Variants in MCM3AP observed in about 807,000 individuals in gnomAD.
MCM3AP encodes the protein germinal-center associated nuclear protein.
MCM3AP carries 126 observed loss-of-function variants against 184.1 expected under a neutral mutation model. The ratio of observed to expected loss-of-function variants is 0.68; its 90% CI spans 0.59 to 0.79. The LOEUF (loss-of-function observed/expected upper bound fraction) is 0.79, where lower values mean the gene tolerates loss of function less well. MCM3AP is among the 30% of genes least tolerant of loss of function. MCM3AP has a pLI of 0.00. For missense variants in MCM3AP, 2,496 were observed against 2,479.2 expected, an observed-to-expected ratio of 1.01 and a Z score of -0.14; for synonymous variants, 1,002 against 979.3, an observed-to-expected ratio of 1.02 and a Z score of -0.43.
At chr21:46,272,189 CA>C (rs1359273366) in intron 8 of MCM3AP, among the ~76,000 whole-genome samples, 3 of 152,278 alleles carry the variant, frequency 2.0e-5, no homozygotes, top group Admixed American at 1.3e-4. Flanking sequence ...AGATCTTTGA[CA>C]AAACTATCTG....
At chr21:46,270,775 G>C (rs2081169430) in intron 8 of MCM3AP, among the ~76,000 whole-genome samples, 1 of 152,164 alleles carries the variant, frequency 6.6e-6, no homozygotes, top group Non-Finnish European at 1.5e-5. Flanking sequence ...CTGTACTCCA[G>C]CCTGGGTGAC....
rs1375859912 is a variant in MCM3AP, at chr21:46,264,104, A to T, written c.3335+13T>A. The T allele has an allele frequency of 6.2e-7, 1 of 1,601,486 alleles. No individual in the cohort carries two copies. Among genetic ancestry groups the T allele is most frequent in the South Asian group, 1.1e-5 (1 of 90,748 alleles). On this transcript the variant is annotated intron_variant, in intron 13 of 27. Transcript: ENST00000291688. ...CAGCACGTAGCAGGAGGGGAGCACG[A>T]GATGCCACTCACCCCAGGGCGGCAG...
intron 8 of MCM3AP, 71 bp downstream of exon 8, chr21:46,272,490 G>A (rs2081193367): frequency 6.8e-7 from 1 of 1,478,368 alleles, no homozygotes; most frequent in African/African-American, 1.4e-5. Context: ...TGCCACTCCT[G>A]AAAGCTCTTC....
At chr21:46,254,750 G>A (rs144572562) in intron 18 of MCM3AP, 26 bp downstream of exon 18, 78 of 1,603,530 alleles carry the variant, frequency 4.9e-5, no homozygotes, top group Non-Finnish European at 6.3e-5. Context: ...ACCAGGGGGT[G>A]CGCAGAAGGG....
At position 46,284,327 on chromosome 21, in the gene MCM3AP, A is replaced by G; in HGVS notation, c.960T>C (p.His320=). ...EDSDPLSRGD[H]PPDKRPVRLN... ...GGCGGACAGGTCGTTTGTCTGGAGG[A>G]TGATCGCCCCGGGACAGAGGATCCG... The change falls in exon 1 of 28, where the codon CAT becomes CAC. Residue 320 remains histidine (H), a synonymous_variant. Transcript: ENST00000291688. 6.2e-7 allele frequency: 1 copy of G among 1,614,160 alleles called. No individual in the cohort carries two copies. The highest frequency in any genetic ancestry group is 8.5e-7 in the Non-Finnish European group (1 of 1,180,040).
chr21:46,257,529 CACT>C (rs1018314848), intron 16 of MCM3AP, among the ~76,000 whole-genome samples: 37 of 151,096 alleles, frequency 2.4e-4, no homozygotes, highest in African/African-American at 8.3e-4. Flanking sequence ...CCACAGCCAC[CACT>C]GATAGGAATT....
At position 46,238,247 on chromosome 21, in the gene MCM3AP, C is replaced by T. The variant is rs892707970; in HGVS notation, c.5634-1268G>A. Among the ~76,000 whole-genome samples, 2 of 120,378 alleles carry T rather than the reference C, an allele frequency of 1.7e-5. 1 individual carries two copies. Among genetic ancestry groups the T allele is most frequent in the East Asian group, 4.4e-4 (2 of 4,562 alleles). 79.0% of individuals were successfully genotyped at this position (120,378 alleles called of 152,430 possible). ...CATTACTTGTAATTGTCTTGTTTGGCTTATCTTATTTAATTTACTTTGGTT... is the reference window on the plus strand; with the variant it reads ...CATTACTTGTAATTGTCTTGTTTGGTTTATCTTATTTAATTTACTTTGGTT... On this transcript the variant is annotated intron_variant, in intron 26 of 27. Transcript: ENST00000291688.
At chr21:46,279,704 C>A (rs1473747164) in intron 4 of MCM3AP, among the ~76,000 whole-genome samples, 1 of 151,350 alleles carries the variant, frequency 6.6e-6, no homozygotes, top group Non-Finnish European at 1.5e-5. Flanking sequence ...TATATGAGAA[C>A]AAGACAGGAC....
At position 46,265,941 on chromosome 21, in the gene MCM3AP, G is replaced by A. The variant is rs761476531; in HGVS notation, c.3015C>T (p.Pro1005=). ...AAELPVSTQR[P]GSDTVGGGRG... The stretch of plus-strand genomic sequence containing the variant: ...TTCACTCACCCACTGTGTCGGAGCC[G>A]GGTCTCTGGGTGCTGACGGGCAGCT... The change falls in exon 11 of 28, where the codon CCC becomes CCT. Residue 1005 remains proline, a synonymous_variant. Coordinates refer to ENST00000291688, the MANE Select transcript of MCM3AP (RefSeq NM_003906.5). 46 of 1,584,488 alleles carry A rather than the reference G, an allele frequency of 2.9e-5. No homozygotes were observed. The highest frequency in any genetic ancestry group is 1.5e-4 in the African/African-American group (11 of 74,500).
At chr21:46,275,354 T>C (rs1469453326) in intron 5 of MCM3AP, 29 bp from the exon 6 acceptor site, 3 of 1,600,650 alleles carry the variant, frequency 1.9e-6, no homozygotes, top group East Asian at 2.3e-5. Context: ...AAGGTAAGAA[T>C]GTACCACATG....
At chr21:46,280,861 G>A (rs955750051) in intron 2 of MCM3AP, among the ~76,000 whole-genome samples, 17 of 151,814 alleles carry the variant, frequency 1.1e-4, no homozygotes, top group East Asian at 1.9e-4. Flanking sequence ...GCTGGAGTGC[G>A]GTGGTGAGAT....
chr21:46,257,014 G>A, intron 16 of MCM3AP, 28 bp from the exon 17 acceptor site: 2 of 1,596,364 alleles, frequency 1.3e-6, no homozygotes, highest in East Asian at 2.3e-5. Flanking sequence ...TATCATCACA[G>A]AGTGTTTTCA....
intron 9 of MCM3AP, among the ~76,000 whole-genome samples, chr21:46,268,810 G>A (rs568871610): frequency 1.1e-4 from 16 of 152,188 alleles, no homozygotes; most frequent in Non-Finnish European, 2.2e-4. Context: ...TTGGGAGGCC[G>A]AGGTGGGTGG....
intron 19 of MCM3AP, chr21:46,252,255 A>C (rs1364508279): frequency 6.6e-6 from 1 of 152,166 alleles, no homozygotes; most frequent in Non-Finnish European, 1.5e-5. Context: ...AAAATTCTGA[A>C]GCATTAAGAT....
At chr21:46,264,482 A>T (rs989962750) in intron 12 of MCM3AP, among the ~76,000 whole-genome samples, 1 of 151,738 alleles carries the variant, frequency 6.6e-6, no homozygotes, top group Middle Eastern at 3.2e-3. Flanking sequence ...TTCTGTGACC[A>T]CTCTATGCTC....
At chr21:46,251,248 A>T (rs1420635720) in intron 20 of MCM3AP, 2 of 239,242 alleles carry the variant, frequency 8.4e-6, no homozygotes, top group African/African-American at 2.2e-5. Context: ...CTCATTTTTT[A>T]AAAGTTTTGT....
At chr21:46,246,524 C>A in intron 21 of MCM3AP, 104 bp downstream of exon 21, 1 of 1,512,152 alleles carries the variant, frequency 6.6e-7, no homozygotes, top group Non-Finnish European at 9.2e-7. Flanking sequence ...GGGTTGCTGT[C>A]TCAGTGATTC....
chr21:46,242,441 T>C (rs1405833375), intron 25 of MCM3AP: 2 of 158,716 alleles, frequency 1.3e-5, no homozygotes, highest in East Asian at 3.6e-4. Flanking sequence ...TATTTTTCTA[T>C]TATGGCAACA....
chr21:46,278,642 C>T (rs2081284236), intron 4 of MCM3AP, among the ~76,000 whole-genome samples: 1 of 152,036 alleles, frequency 6.6e-6, no homozygotes, highest in Non-Finnish European at 1.5e-5. Flanking sequence ...TAAGCTGCAC[C>T]TGCAAAAAGT....
Sources: allele counts gnomAD v4.1 joint callset (sites outside exome capture counted in the v4.1 genomes callset), GRCh38; gene constraint gnomAD v4.1.1; transcripts MANE v1.5; gene names NCBI Gene and HGNC (gene_info 2026-07-23, HGNC 2026-07-21).